Variants in WWOX observed in about 807,000 individuals in gnomAD.
WWOX encodes WW domain-containing oxidoreductase.
A neutral mutation model predicts 46.2 loss-of-function variants in WWOX; 69 were observed. That is an observed-to-expected ratio of 1.49 (90% confidence interval 1.23 to 1.82). The LOEUF (loss-of-function observed/expected upper bound fraction) is 1.82, where lower values mean the gene tolerates loss of function less well. WWOX is among the 40% of genes most tolerant of loss of function. WWOX has a pLI of 0.00. For missense variants in WWOX, 919 were observed against 542.6 expected (o/e 1.69, Z -6.89); for synonymous variants, 359 against 202.6 (o/e 1.77, Z -6.56).
intron 8 of WWOX, among the ~76,000 whole-genome samples, chr16:78,923,524 G>A (rs1216304208): frequency 6.6e-6 from 1 of 151,956 alleles, no homozygotes; most frequent in Non-Finnish European, 1.5e-5. Context: ...TTTCAGAAAA[G>A]AGCTTTGGAA....
At chr16:78,702,031 ATATATATATAT>A (rs2048230308) in intron 8 of WWOX, among the ~76,000 whole-genome samples, 2 of 122,756 alleles carry the variant, frequency 1.6e-5, no homozygotes, top group African/African-American at 8.2e-5. Context: ...ATATATATAT[ATATATATATAT>A]ATAAAATAAT....
In WWOX at chr16:78,424,870, G is replaced by A. The variant is rs1232120355; in HGVS notation, c.606G>A (p.Val202=). Residue 202 remains valine, a splice_region_variant and synonymous_variant, in exon 7 of 9, where the codon GTG becomes GTA. Transcript: ENST00000566780. ...HFAEAFKAKN[V]PLHVLVCNAA... is the part of the protein sequence containing the mutation. ...TCACATGGGATATTTTATTTTTCAG[G>A]CCTCTTCATGTGCTTGTGTGCAACG... 4 of 1,614,030 alleles carry A rather than the reference G, an allele frequency of 2.5e-6. No individual in the cohort carries two copies. The highest frequency in any genetic ancestry group is 3.4e-6 in the Non-Finnish European group (4 of 1,180,006).
chr16:79,157,850 G>A (rs917680199), intron 8 of WWOX, among the ~76,000 whole-genome samples: 12 of 152,212 alleles, frequency 7.9e-5, no homozygotes, highest in African/African-American at 2.9e-4. Context: ...GGCAGGGTAA[G>A]TAGACTAGGG....
At chr16:79,168,166 A>C (rs915388559) in intron 8 of WWOX, among the ~76,000 whole-genome samples, 5 of 152,232 alleles carry the variant, frequency 3.3e-5, no homozygotes, top group Admixed American at 3.3e-4. Context: ...CCTTCTAGGT[A>C]TAATGACTTG....
At chr16:79,132,595 G>C (rs979713734) in intron 8 of WWOX, among the ~76,000 whole-genome samples, 2 of 152,014 alleles carry the variant, frequency 1.3e-5, no homozygotes, top group African/African-American at 4.8e-5. Context: ...TGGTTTCTCT[G>C]TGTCTCTCTT....
rs540172287 is a variant in WWOX, at chr16:78,826,640, C to G, written c.1057-384968C>G. Among the ~76,000 whole-genome samples, 14 of 152,318 alleles carry G rather than the reference C, an allele frequency of 9.2e-5. No homozygotes were observed. The South Asian group carries it at 2.9e-3, about 32-fold the overall frequency. ...TGGATTTAGGGTCTTCCTGGCTGAT[C>G]TCATGTCAAGATCCGTAACTTAATT... On this transcript the variant is annotated intron_variant, in intron 8 of 8. Transcript: ENST00000566780.
chr16:78,102,699 C>T (rs2031876601), intron 1 of WWOX, among the ~76,000 whole-genome samples: 2 of 152,216 alleles, frequency 1.3e-5, no homozygotes, highest in Non-Finnish European at 2.9e-5. Context: ...TCTGCTTCTT[C>T]GTGCTTAGCC....
chr16:78,602,483 C>G (rs532853276), intron 8 of WWOX, among the ~76,000 whole-genome samples: 17 of 152,188 alleles, frequency 1.1e-4, no homozygotes, highest in African/African-American at 3.9e-4. Context: ...CCACCCACCT[C>G]GGCCTCTCAA....
At chr16:78,390,845 C>T (rs938345212) in intron 6 of WWOX, among the ~76,000 whole-genome samples, 2 of 152,148 alleles carry the variant, frequency 1.3e-5, no homozygotes, top group South Asian at 2.1e-4. Context: ...TCTCTTTTCA[C>T]GCTGTTGCAT....
Position 78,827,701 on chromosome 16 carries a change from C to T in WWOX, c.1057-383907C>T, listed in dbSNP as rs191406341. Among the ~76,000 whole-genome samples, 204 of 151,516 alleles carry T rather than the reference C, an allele frequency of 1.3e-3. 1 individual carries two copies. Among genetic ancestry groups the T allele is most frequent in the Middle Eastern group, 3.4e-3 (1 of 294 alleles). Reference sequence around the variant, plus strand: ...TAAAAAAAAAAAAAAATTAGCCAGGCATGGTGGTGCATGTCTGTTATCCCA... The same window carrying T: ...TAAAAAAAAAAAAAAATTAGCCAGGTATGGTGGTGCATGTCTGTTATCCCA... On this transcript the variant is annotated intron_variant, in intron 8 of 8. Transcript: ENST00000566780.
chr16:78,953,310 G>T (rs964029096), intron 8 of WWOX, among the ~76,000 whole-genome samples: 2 of 151,566 alleles, frequency 1.3e-5, no homozygotes, highest in Non-Finnish European at 2.9e-5. Flanking sequence ...TGGGGGGTGG[G>T]GGGCATGTTT....
chr16:78,118,217 C>G (rs905761085), intron 4 of WWOX, among the ~76,000 whole-genome samples: 1 of 151,808 alleles, frequency 6.6e-6, no homozygotes. Flanking sequence ...TCATTTTCCT[C>G]TCTGCAGCTG....
At chr16:78,314,867 A>G (rs1247470792) in intron 5 of WWOX, among the ~76,000 whole-genome samples, 1 of 151,730 alleles carries the variant, frequency 6.6e-6, no homozygotes, top group African/African-American at 2.4e-5. Context: ...TGTCATTTTG[A>G]TGTACTGAGC....
At chr16:78,558,037 C>T (rs569505730) in intron 8 of WWOX, among the ~76,000 whole-genome samples, 4 of 152,164 alleles carry the variant, frequency 2.6e-5, no homozygotes, top group Admixed American at 1.3e-4. Context: ...ACATAGTCGG[C>T]CCTCAGTGAG....
At chr16:78,747,919 G>A (rs1597540592) in intron 8 of WWOX, among the ~76,000 whole-genome samples, 1 of 152,130 alleles carries the variant, frequency 6.6e-6, no homozygotes, top group Admixed American at 6.5e-5. Flanking sequence ...GGATGCCTGA[G>A]TTTTTCTTAG....
intron 8 of WWOX, among the ~76,000 whole-genome samples, chr16:78,901,867 A>C (rs1339084956): frequency 6.6e-6 from 1 of 152,194 alleles, no homozygotes; most frequent in Non-Finnish European, 1.5e-5. Context: ...ACGTGAATTC[A>C]CACGGGCCTC....
chr16:78,310,889 G>T (rs954857940), intron 5 of WWOX, among the ~76,000 whole-genome samples: 3 of 152,182 alleles, frequency 2.0e-5, no homozygotes, highest in Non-Finnish European at 4.4e-5. Context: ...GAGGGTAGGG[G>T]CACCCTTGTT....
intron 5 of WWOX, among the ~76,000 whole-genome samples, chr16:78,379,128 C>T (rs921986686): frequency 2.0e-5 from 3 of 152,128 alleles, no homozygotes; most frequent in Non-Finnish European, 4.4e-5. Flanking sequence ...TTTGCTATCA[C>T]TATTAAATGA....
intron 5 of WWOX, among the ~76,000 whole-genome samples, chr16:78,323,889 G>C (rs919822502): frequency 6.6e-5 from 10 of 152,134 alleles, no homozygotes; most frequent in South Asian, 2.1e-4. Context: ...CCTGCTCAAG[G>C]TTAAGTGCAG....
Sources: gnomAD v4.1 joint callset for allele counts (sites outside exome capture counted in the v4.1 genomes callset) on GRCh38, gnomAD v4.1.1 for gene constraint, MANE v1.5 for transcripts, NCBI Gene and HGNC (gene_info 2026-07-23, HGNC 2026-07-21) for gene names.